The following EFCAB11 variants were observed in gnomAD, a reference collection of about 807,000 sequenced individuals.
EFCAB11 encodes EF-hand calcium-binding domain-containing protein 11.
EFCAB11 carries 14 observed loss-of-function variants against 23.0 expected under a neutral mutation model. The ratio of observed to expected loss-of-function variants is 0.61; its 90% CI spans 0.40 to 0.95. The LOEUF is 0.95. Ranked by LOEUF, EFCAB11 falls within the 40% of genes least tolerant of loss-of-function variation. EFCAB11 has a pLI of 0.00. For synonymous variants in EFCAB11, 65 were observed against 66.6 expected (o/e 0.98, Z 0.11); for missense variants, 198 against 195.8 (o/e 1.01, Z -0.07).
At chr14:89,868,857 C>T (rs368016651) in intron 5 of EFCAB11, among the ~76,000 whole-genome samples, 14 of 152,194 alleles carry the variant, frequency 9.2e-5, no homozygotes, top group African/African-American at 3.1e-4. Context: ...TAACAGACAC[C>T]AAAATACTAT....
At chr14:89,922,930 C>T (rs2139789855) in intron 5 of EFCAB11, among the ~76,000 whole-genome samples, 1 of 152,284 alleles carries the variant, frequency 6.6e-6, no homozygotes, top group Non-Finnish European at 1.5e-5. Flanking sequence ...AATATCTTAA[C>T]AGCTGGGCCT....
intron 5 of EFCAB11, among the ~76,000 whole-genome samples, chr14:89,801,724 G>A (rs1885787226): frequency 6.6e-6 from 1 of 152,148 alleles, no homozygotes; most frequent in Admixed American, 6.5e-5. Flanking sequence ...GCCAGGCGCA[G>A]TGGTGCACAC....
intron 5 of EFCAB11, among the ~76,000 whole-genome samples, chr14:89,801,046 A>G (rs374770629): frequency 3.4e-4 from 34 of 99,970 alleles, no homozygotes; most frequent in South Asian, 8.7e-4. Context: ...AAAAAGAAAA[A>G]AAAAAAAAAA....
chr14:89,817,321 G>A (rs1013718492), intron 5 of EFCAB11, among the ~76,000 whole-genome samples: 1 of 152,136 alleles, frequency 6.6e-6, no homozygotes, highest in East Asian at 1.9e-4. Context: ...TTCGAGACCA[G>A]CCAAAAACTG....
intron 5 of EFCAB11, among the ~76,000 whole-genome samples, chr14:89,905,757 T>C (rs1194991519): frequency 2.6e-5 from 4 of 152,188 alleles, no homozygotes; most frequent in Non-Finnish European, 5.9e-5. Context: ...GTTTGGCCTT[T>C]AGCCTGTACA....
intron 5 of EFCAB11, among the ~76,000 whole-genome samples, chr14:89,842,677 G>T (rs952120569): frequency 7.2e-5 from 11 of 152,064 alleles, no homozygotes; most frequent in Non-Finnish European, 1.2e-4. Context: ...AAACGCCCCA[G>T]TATCTTCCAG....
intron 5 of EFCAB11, among the ~76,000 whole-genome samples, chr14:89,870,773 A>G (rs1457759098): frequency 6.7e-6 from 1 of 150,138 alleles, no homozygotes; most frequent in Non-Finnish European, 1.5e-5. Context: ...CTACTAAAAA[A>G]AAAAAAAAAA....
Position 89,856,393 on chromosome 14 carries a change from T to A in EFCAB11, c.411-59069A>T, listed in dbSNP as rs536300580. Among the ~76,000 whole-genome samples, 5 of 152,244 alleles carry A rather than the reference T, an allele frequency of 3.3e-5. No individual in the cohort carries two copies. The East Asian group carries it at 7.7e-4, about 24-fold the overall frequency. ...TTTGTAGAGACAGAGTTTCACCATG[T>A]TGCTCAGGCTGGTCTCGAACTCCTG... is the stretch of plus-strand genomic sequence containing the variant. On this transcript the variant is annotated intron_variant, in intron 5 of 5. Transcript: ENST00000316738.
At chr14:89,897,852 C>T (rs1048488534) in intron 5 of EFCAB11, among the ~76,000 whole-genome samples, 4 of 152,034 alleles carry the variant, frequency 2.6e-5, no homozygotes, top group Non-Finnish European at 5.9e-5. Context: ...TTTATACAAC[C>T]TGTTGGAAAG....
chr14:89,829,178 G>T (rs1018971919), intron 5 of EFCAB11, among the ~76,000 whole-genome samples: 1 of 152,160 alleles, frequency 6.6e-6, no homozygotes, highest in Non-Finnish European at 1.5e-5. Flanking sequence ...TTTGTGTAGG[G>T]TATGTTCTGA....
At chr14:89,870,866 G>C (rs987191984) in intron 5 of EFCAB11, among the ~76,000 whole-genome samples, 3 of 152,088 alleles carry the variant, frequency 2.0e-5, no homozygotes, top group Non-Finnish European at 4.4e-5. Flanking sequence ...CTTGAACCCG[G>C]GAAGTGGAGG....
In EFCAB11 at chr14:89,894,396, C is replaced by T. The variant is rs995707019; in HGVS notation, c.410+37145G>A. On this transcript the variant is annotated intron_variant, in intron 5 of 5. Coordinates refer to ENST00000316738, the MANE Select transcript of EFCAB11 (RefSeq NM_145231.4). ...AGCCCCACATGCATTAGGTATTTGT[C>T]CTAATGCTCTGCCTCCAGTTGTCCC... Among the ~76,000 whole-genome samples the T allele has an allele frequency of 4.6e-5, 7 of 152,088 alleles. No individual in the cohort carries two copies. The East Asian group carries it at 1.2e-3, about 25-fold the overall frequency.
chr14:89,820,876 G>A (rs756122373), intron 5 of EFCAB11, among the ~76,000 whole-genome samples: 28 of 151,412 alleles, frequency 1.8e-4, no homozygotes, highest in Non-Finnish European at 4.0e-4. Context: ...TAGATTTTTA[G>A]ATATTATATA....
At chr14:89,839,875 G>A (rs570512538) in intron 5 of EFCAB11, among the ~76,000 whole-genome samples, 4 of 151,976 alleles carry the variant, frequency 2.6e-5, no homozygotes, top group African/African-American at 4.8e-5. Flanking sequence ...AGTACCAAGG[G>A]GGGATGGTGC....
intron 5 of EFCAB11, among the ~76,000 whole-genome samples, chr14:89,901,167 G>A (rs375204766): frequency 1.3e-5 from 2 of 152,196 alleles, no homozygotes; most frequent in Admixed American, 6.5e-5. Flanking sequence ...CTTCCCAGAA[G>A]AGAGGTATTC....
intron 5 of EFCAB11, among the ~76,000 whole-genome samples, chr14:89,826,885 G>C (rs533383862): frequency 9.9e-5 from 15 of 152,204 alleles, no homozygotes; most frequent in Non-Finnish European, 1.5e-4. Flanking sequence ...TGATGCCACG[G>C]CATGACCCGA....
intron 3 of EFCAB11, chr14:89,937,864 T>C (rs1442118973): frequency 6.6e-6 from 1 of 152,120 alleles, no homozygotes; most frequent in Non-Finnish European, 1.5e-5. Context: ...ACTTAATACA[T>C]GTATATATAT....
intron 5 of EFCAB11, among the ~76,000 whole-genome samples, chr14:89,854,006 C>T (rs145196763): frequency 1.3e-5 from 2 of 152,106 alleles, no homozygotes; most frequent in African/African-American, 2.4e-5. Context: ...CAGGACAACT[C>T]TTTGAATCAA....
At chr14:89,885,012 C>T (rs929472668) in intron 5 of EFCAB11, among the ~76,000 whole-genome samples, 2 of 152,178 alleles carry the variant, frequency 1.3e-5, no homozygotes, top group African/African-American at 4.8e-5. Context: ...GTCTTAAGAA[C>T]TGTGAGAAAA....
Sources: allele counts gnomAD v4.1 joint callset (sites outside exome capture counted in the v4.1 genomes callset), GRCh38; gene constraint gnomAD v4.1.1; transcripts MANE v1.5; gene names NCBI Gene and HGNC (gene_info 2026-07-23, HGNC 2026-07-21).